ANO3: variants seen among roughly 807,000 people sequenced by gnomAD.
ANO3 encodes the protein anoctamin 3, also known as anoctamin-3.
In ANO3, 99 loss-of-function variants were observed where a neutral mutation model predicts 144.8. That is an observed-to-expected ratio of 0.68 (90% CI 0.58 to 0.81). The LOEUF is 0.81. ANO3 is among the 30% of genes least tolerant of loss of function. The pLI is 0.00. For synonymous variants in ANO3, 414 were observed against 392.6 expected (o/e 1.05, Z -0.64); for missense variants, 905 against 1,202.2 (o/e 0.75, Z 3.66).
intron 1 of ANO3, among the ~76,000 whole-genome samples, chr11:26,291,841 AT>A: frequency 6.6e-6 from 1 of 151,832 alleles, no homozygotes; most frequent in South Asian, 2.1e-4. Context: ...TGCCTTTAAC[AT>A]TTTTTCCTTC....
At chr11:26,478,315 T>C (rs937441537) in intron 4 of ANO3, among the ~76,000 whole-genome samples, 44 of 152,132 alleles carry the variant, frequency 2.9e-4, no homozygotes, top group African/African-American at 1.0e-3. Flanking sequence ...TAAAACAAGA[T>C]GAAAACAACA....
In ANO3 at chr11:26,542,453, T is replaced by A. The variant is rs115536749; in HGVS notation, c.1154+385T>A. ...GAGAGGGCATAGAGAGGGAAAATGG[T>A]CCTGGCTTATCTCTTCCTTCTACCT... On this transcript the variant is annotated intron_variant, in intron 11 of 26. Coordinates refer to ENST00000256737, the MANE Select transcript of ANO3 (RefSeq NM_031418.4). Among the ~76,000 whole-genome samples, 466 of 152,124 alleles carry A rather than the reference T, an allele frequency of 3.1e-3. 5 individuals carry two copies. The highest frequency in any genetic ancestry group is 0.01 in the African/African-American group (429 of 41,494).
chr11:26,595,479 T>G (rs970683219), intron 14 of ANO3, among the ~76,000 whole-genome samples: 3 of 147,328 alleles, frequency 2.0e-5, no homozygotes, highest in African/African-American at 7.6e-5. Flanking sequence ...TTTTTTTTTT[T>G]TTTTTTTTAT....
chr11:26,204,114 T>G (rs1390204109), intron 1 of ANO3, among the ~76,000 whole-genome samples: 1 of 152,102 alleles, frequency 6.6e-6, no homozygotes, highest in African/African-American at 2.4e-5. Flanking sequence ...TTCTGGAGAC[T>G]TTCCCTGATC....
At chr11:26,299,620 C>A (rs778347358) in intron 1 of ANO3, among the ~76,000 whole-genome samples, 1 of 151,580 alleles carries the variant, frequency 6.6e-6, no homozygotes, top group Admixed American at 6.6e-5. Context: ...AGTGGGGAGG[C>A]GGAGACTGGC....
At chr11:26,454,403 T>G (rs1859068582) in intron 3 of ANO3, among the ~76,000 whole-genome samples, 1 of 151,936 alleles carries the variant, frequency 6.6e-6, no homozygotes, top group Non-Finnish European at 1.5e-5. Flanking sequence ...ATATCACCAC[T>G]GATCCCACAG....
intron 1 of ANO3, among the ~76,000 whole-genome samples, chr11:26,207,779 CA>C (rs939436270): frequency 2.0e-5 from 3 of 147,428 alleles, no homozygotes; most frequent in Admixed American, 6.8e-5. Flanking sequence ...TGTAATAGGA[CA>C]ACATTGAAAT....
At chr11:26,358,090 A>G (rs1405769059) in intron 1 of ANO3, among the ~76,000 whole-genome samples, 2 of 152,024 alleles carry the variant, frequency 1.3e-5, no homozygotes, top group African/African-American at 4.8e-5. Context: ...GAAATCATTT[A>G]GCAATACTTC....
intron 4 of ANO3, among the ~76,000 whole-genome samples, chr11:26,480,188 G>A (rs73447728): frequency 0.053 from 8,035 of 152,236 alleles, 402 homozygotes; most frequent in African/African-American, 0.13. Flanking sequence ...ACAAACTTCC[G>A]TGATATTCTT....
upstream of ANO3, among the ~76,000 whole-genome samples, chr11:26,304,689 A>G (rs886807320): frequency 1.4e-4 from 21 of 152,282 alleles, no homozygotes; most frequent in East Asian, 3.5e-3. Flanking sequence ...TACTAGCTCC[A>G]TAAGATTGTA....
rs781341120 is a variant in ANO3 at position 26,537,474 on chromosome 11, TAC to T, written c.1032+15_1032+16del. On this transcript the variant is annotated intron_variant, in intron 10 of 26. Transcript: ENST00000256737. Reference sequence around the variant, plus strand: ...TCCACCACATGAGGTAATTTTGAAATACAGTTTCCGCTTTATAAACAAGGTTT... The same window carrying T: ...TCCACCACATGAGGTAATTTTGAAATAGTTTCCGCTTTATAAACAAGGTTT... 2.2e-5 allele frequency: 36 copies of T among 1,609,352 alleles called. No homozygotes were observed. The highest frequency in any genetic ancestry group is 3.0e-5 in the Non-Finnish European group (35 of 1,175,612).
chr11:26,499,225 A>T (rs1297421230), intron 4 of ANO3, among the ~76,000 whole-genome samples: 3 of 151,858 alleles, frequency 2.0e-5, no homozygotes, highest in Non-Finnish European at 4.4e-5. Flanking sequence ...ATAAAAATAT[A>T]TTCTAGTTGT....
chr11:26,466,424 A>G (rs1335681091), intron 4 of ANO3, among the ~76,000 whole-genome samples: 1 of 152,004 alleles, frequency 6.6e-6, no homozygotes, highest in Admixed American at 6.6e-5. Flanking sequence ...GATAGAGTCT[A>G]TTGAACAGGC....
chr11:26,559,806 T>A, intron 14 of ANO3, 27 bp downstream of exon 14: 3 of 1,490,352 alleles, frequency 2.0e-6, no homozygotes, highest in Non-Finnish European at 2.8e-6. Context: ...TTACTTTCTA[T>A]CCCTTATTTT....
At chr11:26,531,411 G>T in intron 8 of ANO3, 75 bp downstream of exon 8, 2 of 1,447,168 alleles carry the variant, frequency 1.4e-6, no homozygotes, top group Non-Finnish European at 1.8e-6. Flanking sequence ...AAAACACCTG[G>T]GACCATTTCC....
chr11:26,548,948 T>C (rs2134220753), intron 12 of ANO3, among the ~76,000 whole-genome samples: 1 of 21,678 alleles, frequency 4.6e-5, no homozygotes, highest in Middle Eastern at 0.019. Context: ...TTACAATGAA[T>C]TGGAAAAAAA....
chr11:26,564,732 C>CACACACATATAT (rs1565108986), intron 14 of ANO3, among the ~76,000 whole-genome samples: 1 of 25,418 alleles, frequency 3.9e-5, no homozygotes, highest in Non-Finnish European at 7.2e-5. Context: ...CACACACACA[C>CACACACATATAT]ATATATATAT....
chr11:26,246,193 A>G (rs1852789313), intron 1 of ANO3, among the ~76,000 whole-genome samples: 1 of 152,118 alleles, frequency 6.6e-6, no homozygotes, highest in Non-Finnish European at 1.5e-5. Context: ...TAACAGTAAC[A>G]TATTTATTCT....
At chr11:26,634,409 C>A in intron 19 of ANO3, 94 bp downstream of exon 19, 1 of 731,616 alleles carries the variant, frequency 1.4e-6, no homozygotes. Flanking sequence ...TGATTTCTGA[C>A]AGCCACCAGC....
Sources: gnomAD v4.1 joint callset for allele counts (sites outside exome capture counted in the v4.1 genomes callset) on GRCh38, gnomAD v4.1.1 for gene constraint, MANE v1.5 for transcripts, NCBI Gene and HGNC (gene_info 2026-07-23, HGNC 2026-07-21) for gene names.